The following INTS6 variants were observed in gnomAD, a reference collection of about 807,000 sequenced individuals.
The protein encoded by INTS6 is DEAD box protein.
Under a neutral mutation model 104.9 loss-of-function variants are expected in INTS6, and 16 were observed. The observed-to-expected ratio is 0.15, with a 90% CI of 0.10 to 0.23. The LOEUF (loss-of-function observed/expected upper bound fraction) is 0.23. Ranked by LOEUF, INTS6 falls within the 10% of genes least tolerant of loss-of-function variation. The pLI, the probability that INTS6 is intolerant of heterozygous loss-of-function variation, is 1.00. For missense variants in INTS6, 584 were observed against 1,062.8 expected (o/e 0.55, Z 6.26); for synonymous variants, 324 against 358.7 (o/e 0.90, Z 1.09).
At chr13:51,419,694 T>A (rs1461750847) in intron 4 of INTS6, among the ~76,000 whole-genome samples, 1 of 152,216 alleles carries the variant, frequency 6.6e-6, no homozygotes, top group Non-Finnish European at 1.5e-5. Context: ...TAACCCTGCA[T>A]CTGAACTTCA....
chr13:51,406,394 A>G (rs916285073), intron 4 of INTS6, among the ~76,000 whole-genome samples: 3 of 145,258 alleles, frequency 2.1e-5, no homozygotes, highest in Admixed American at 7.0e-5. Flanking sequence ...ATATTCCCTA[A>G]CTCAGTAAAA....
chr13:51,383,394 G>A lies in INTS6; in HGVS notation c.1115C>T (p.Thr372Ile). ...GHPFGYLKAS[T>I]ALNCVNLFVM... ...AAATAAGTTGACACAGTTCAGTGCTGTACTGGCTTTCAAGTAACCAAAAGG... is the reference window on the plus strand; with the variant it reads ...AAATAAGTTGACACAGTTCAGTGCTATACTGGCTTTCAAGTAACCAAAAGG... Residue 372 changes from threonine to isoleucine, a missense_variant, in exon 9 of 18, where the codon ACA (threonine) becomes ATA (isoleucine). Thr to Ile is a moderately conservative substitution (Grantham distance 89). Transcript: ENST00000311234. 2.5e-6 allele frequency: 4 copies of A among 1,614,000 alleles called. No individual in the cohort carries two copies. Among genetic ancestry groups the A allele is most frequent in the Non-Finnish European group, 3.4e-6 (4 of 1,179,892 alleles).
the INTS6 span, among the ~76,000 whole-genome samples, chr13:51,345,903 C>T: frequency 6.6e-6 from 1 of 152,298 alleles, no homozygotes; most frequent in South Asian, 2.1e-4. Flanking sequence ...GAGTCCAGAG[C>T]CAGGCTGCTT....
chr13:51,352,952 C>T (rs1467757532), downstream of INTS6, among the ~76,000 whole-genome samples: 1 of 152,022 alleles, frequency 6.6e-6, no homozygotes, highest in East Asian at 1.9e-4. Flanking sequence ...GGGATAAATC[C>T]CACTTTGTCA....
intron 4 of INTS6, among the ~76,000 whole-genome samples, chr13:51,409,855 G>C (rs61089679): frequency 1.3e-5 from 2 of 152,066 alleles, no homozygotes; most frequent in African/African-American, 4.8e-5. Context: ...GATTTTGTAC[G>C]TAAAAAGCTT....
chr13:51,368,062 AAAGT>A (rs776328658), intron 16 of INTS6, among the ~76,000 whole-genome samples, 164 bp from the exon 17 acceptor site: 7 of 152,142 alleles, frequency 4.6e-5, no homozygotes, highest in Admixed American at 1.3e-4. Flanking sequence ...CATATATGTA[AAAGT>A]AAGTACACAG....
chr13:51,348,330 T>C, the INTS6 span: 1 of 1,613,782 alleles, frequency 6.2e-7, no homozygotes, highest in Non-Finnish European at 8.5e-7. Flanking sequence ...CTGAGCCACA[T>C]CGAGCCACAC....
intron 3 of INTS6, among the ~76,000 whole-genome samples, chr13:51,356,070 T>C (rs765750808): frequency 6.6e-6 from 1 of 152,190 alleles, no homozygotes; most frequent in Non-Finnish European, 1.5e-5. Context: ...GTTTGGGCTT[T>C]AGATGTGACC....
At chr13:51,344,577 G>A in the INTS6 span, 1 of 992,120 alleles carries the variant, frequency 1.0e-6, no homozygotes, top group African/African-American at 1.6e-5. Flanking sequence ...ATGGTGCTCA[G>A]GCCACCTTCA....
intron 17 of INTS6, 136 bp downstream of exon 17, chr13:51,367,669 A>T (rs973733482): frequency 2.0e-6 from 1 of 507,956 alleles, no homozygotes; most frequent in Admixed American, 4.2e-5. Context: ...AAAAAGAATA[A>T]GAATTTATTT....
At chr13:51,353,455 G>A (rs909233011), downstream of INTS6, among the ~76,000 whole-genome samples, 1 of 152,184 alleles carries the variant, frequency 6.6e-6, no homozygotes, top group African/African-American at 2.4e-5. Context: ...CTGTGACAAA[G>A]AGAAGCAAAG....
chr13:51,420,980 C>G (rs1170021479), intron 4 of INTS6: 7 of 308,076 alleles, frequency 2.3e-5, no homozygotes, highest in Non-Finnish European at 3.3e-5. Flanking sequence ...CATCATCAAC[C>G]AATTTATAAG....
At chr13:51,344,109 A>T in the INTS6 span, 1 of 656,642 alleles carries the variant, frequency 1.5e-6, no homozygotes. Context: ...TGACTTTTTC[A>T]AACTGGCTTT....
chr13:51,408,842 A>G (rs1393817625), intron 4 of INTS6, among the ~76,000 whole-genome samples: 1 of 152,182 alleles, frequency 6.6e-6, no homozygotes, highest in Non-Finnish European at 1.5e-5. Flanking sequence ...TAATCCTCCA[A>G]CAAACCTAAA....
chr13:51,430,452 T>C, intron 3 of INTS6, 69 bp from the exon 4 acceptor site: 1 of 1,163,496 alleles, frequency 8.6e-7, no homozygotes, highest in South Asian at 1.3e-5. Context: ...AAGTCAATTC[T>C]CAGAACAGCA....
In INTS6 at chr13:51,366,484, G is replaced by A. The variant is rs578133527; in HGVS notation, c.2571-639C>T. 3.3e-5 allele frequency among the ~76,000 whole-genome samples: 5 copies of A among 151,936 alleles called. No individual in the cohort carries two copies. The South Asian group carries it at 1.0e-3, about 32-fold the overall frequency. ...GCATCTGTATACGTAACTGCTGACG[G>A]TTTTAAGAATATCCCAAGACACTGG... is the stretch of plus-strand genomic sequence containing the variant. On this transcript the variant is annotated intron_variant, in intron 17 of 17. Transcript: ENST00000311234.
chr13:51,414,411 G>A (rs1465715083), intron 4 of INTS6, among the ~76,000 whole-genome samples: 2 of 152,140 alleles, frequency 1.3e-5, no homozygotes, highest in African/African-American at 4.8e-5. Flanking sequence ...TCAACTAGTT[G>A]TTTGTTAATT....
chr13:51,404,166 T>C (rs1159513295), intron 4 of INTS6, among the ~76,000 whole-genome samples: 1 of 149,782 alleles, frequency 6.7e-6, no homozygotes, highest in African/African-American at 2.5e-5. Context: ...CCCAGCTAGT[T>C]GGGAGGCTGC....
chr13:51,383,729 A>T lies in INTS6; in HGVS notation c.907T>A (p.Ser303Thr). Residue 303 changes from serine (S) to threonine (T), a missense_variant, in exon 8 of 18, where the codon TCT becomes ACT. Ser to Thr is a moderately conservative substitution (Grantham distance 58). Coordinates refer to ENST00000311234, the MANE Select transcript of INTS6 (RefSeq NM_012141.3). ...CAGGAAAACTTCACTACAGGATGAG[A>T]TGTACGAGGTGGCTAAAGGGGAAAG... is the stretch of plus-strand genomic sequence containing the variant. Reference protein sequence around the residue: ...QNSPTLPPRTSHPVVKFSCTD... With the variant: ...QNSPTLPPRTTHPVVKFSCTD... The T allele has an allele frequency of 6.2e-7, 1 of 1,610,826 alleles. No individual in the cohort carries two copies. The highest frequency in any genetic ancestry group is 8.5e-7 in the Non-Finnish European group (1 of 1,178,264).
Sources: allele counts gnomAD v4.1 joint callset (sites outside exome capture counted in the v4.1 genomes callset), GRCh38; gene constraint gnomAD v4.1.1; transcripts MANE v1.5; gene names NCBI Gene and HGNC (gene_info 2026-07-23, HGNC 2026-07-21).